Variants in NBAS observed in about 807,000 individuals in gnomAD.
NBAS encodes NAG/BC035112 fusion.
Under a neutral mutation model 302.5 loss-of-function variants are expected in NBAS, and 219 were observed. The observed-to-expected ratio is 0.72, with a 90% CI of 0.65 to 0.81. The LOEUF (loss-of-function observed/expected upper bound fraction) is 0.81. Among genes scored for constraint, NBAS ranks in the 30% least tolerant of loss-of-function variants. The pLI, the probability that NBAS is intolerant of heterozygous loss-of-function variation, is 0.00. For synonymous variants in NBAS, 1,118 were observed against 1,021.6 expected, an observed-to-expected ratio of 1.09 and a Z score of -1.80; for missense variants, 2,932 against 2,841.6, an observed-to-expected ratio of 1.03 and a Z score of -0.72.
chr2:14,822,681 G>C, the NBAS span, among the ~76,000 whole-genome samples: 2 of 152,148 alleles, frequency 1.3e-5, no homozygotes, highest in African/African-American at 4.8e-5. Flanking sequence ...ATCACACGGT[G>C]TAACCTCCCA....
At chr2:14,877,578 AATC>A in the NBAS span, among the ~76,000 whole-genome samples, 1 of 152,214 alleles carries the variant, frequency 6.6e-6, no homozygotes, top group Non-Finnish European at 1.5e-5. Context: ...CACCAGCCTT[AATC>A]AGGAAGGAGT....
At chr2:14,797,659 G>T in the NBAS span, among the ~76,000 whole-genome samples, 3 of 108,926 alleles carry the variant, frequency 2.8e-5, no homozygotes, top group African/African-American at 1.1e-4. Flanking sequence ...ACTGTGGCCC[G>T]GCCTCTTTGC....
At chr2:14,954,425 C>T in the NBAS span, among the ~76,000 whole-genome samples, 1 of 152,190 alleles carries the variant, frequency 6.6e-6, no homozygotes, top group Admixed American at 6.5e-5. Context: ...AGGCAGGACA[C>T]ATGCTGACCA....
rs529315580 is a variant in NBAS at position 15,244,085 on chromosome 2, C to CGT, written c.5725-5401_5725-5400dup. ...GCCCCCTTTAAGTGGAGAGAGAGAA[C>CGT]GTACAGGGGTGATACATCAAAGATA... On this transcript the variant is annotated intron_variant, in intron 44 of 51. Transcript: ENST00000281513. 1.9e-3 allele frequency among the ~76,000 whole-genome samples: 289 copies of CGT among 152,154 alleles called. 2 individuals carry two copies. The highest frequency in any genetic ancestry group is 6.5e-3 in the African/African-American group (270 of 41,504).
At chr2:15,314,121 A>C (rs2148178258) in intron 38 of NBAS, among the ~76,000 whole-genome samples, 2 of 152,324 alleles carry the variant, frequency 1.3e-5, no homozygotes, top group Middle Eastern at 6.8e-3. Context: ...TGGGAGGCCG[A>C]GGCAGGTGGA....
chr2:15,312,348 C>T (rs1265603024), intron 38 of NBAS, among the ~76,000 whole-genome samples: 1 of 152,100 alleles, frequency 6.6e-6, no homozygotes, highest in African/African-American at 2.4e-5. Context: ...AGTCTTGGCT[C>T]ACTGTAGCCT....
At chr2:15,432,667 T>C (rs1409723242) in intron 21 of NBAS, among the ~76,000 whole-genome samples, 1 of 152,210 alleles carries the variant, frequency 6.6e-6, no homozygotes, top group Non-Finnish European at 1.5e-5. Flanking sequence ...TGTGGAGTTA[T>C]ATTTATTTCT....
At chr2:14,838,610 T>C in the NBAS span, among the ~76,000 whole-genome samples, 2 of 152,174 alleles carry the variant, frequency 1.3e-5, no homozygotes, top group African/African-American at 2.4e-5. Context: ...TGTTGATGTA[T>C]GCTGTGATTT....
chr2:15,301,338 T>A (rs868364547), intron 40 of NBAS, among the ~76,000 whole-genome samples: 5 of 152,302 alleles, frequency 3.3e-5, no homozygotes, highest in Middle Eastern at 3.4e-3. Context: ...AGAAATGAGG[T>A]TGCTCAAAGG....
the NBAS span, among the ~76,000 whole-genome samples, chr2:15,099,141 A>G: frequency 3.9e-5 from 6 of 152,176 alleles, no homozygotes; most frequent in South Asian, 6.2e-4. Context: ...CATCTCTACT[A>G]AAAATACAAA....
chr2:15,237,772 T>A (rs1399814291), intron 45 of NBAS, among the ~76,000 whole-genome samples: 1 of 101,838 alleles, frequency 9.8e-6, no homozygotes, highest in African/African-American at 3.7e-5. Context: ...AATGTTTGTA[T>A]TTTTTTTTTT....
the NBAS span, among the ~76,000 whole-genome samples, chr2:14,814,924 C>A: frequency 4.3e-4 from 65 of 152,134 alleles, no homozygotes; most frequent in Non-Finnish European, 7.9e-4. Flanking sequence ...CACCATCCCC[C>A]TAGTGCTGTC....
At position 15,277,156 on chromosome 2, in the gene NBAS, A is replaced by AT. The variant is rs3214432; in HGVS notation, c.5139-56dup. On this transcript the variant is annotated intron_variant, in intron 42 of 51. Coordinates refer to ENST00000281513, the MANE Select transcript of NBAS (RefSeq NM_015909.4). ...AAGATTTTGTTCCTTTATTAAAGTGATTTTTTTTTTAACCAAGGAAGAAAC... is the reference window on the plus strand; with the variant it reads ...AAGATTTTGTTCCTTTATTAAAGTGATTTTTTTTTTTAACCAAGGAAGAAAC... The AT allele has an allele frequency of 2.0e-4, 319 of 1,559,682 alleles. 1 individual carries two copies. Among genetic ancestry groups the AT allele is most frequent in the Middle Eastern group, 3.4e-4 (2 of 5,858 alleles).
At chr2:14,783,116 C>T in the NBAS span, among the ~76,000 whole-genome samples, 1 of 151,752 alleles carries the variant, frequency 6.6e-6, no homozygotes, top group Non-Finnish European at 1.5e-5. Context: ...AAATAAAAGT[C>T]AAAAAATAAA....
At chr2:15,031,117 A>G in the NBAS span, among the ~76,000 whole-genome samples, 1 of 152,262 alleles carries the variant, frequency 6.6e-6, no homozygotes, top group African/African-American at 2.4e-5. Flanking sequence ...TATAGTTCCT[A>G]TAGCAATATG....
chr2:14,805,110 G>A, the NBAS span, among the ~76,000 whole-genome samples: 1 of 152,176 alleles, frequency 6.6e-6, no homozygotes, highest in Non-Finnish European at 1.5e-5. Context: ...ATCCGCCACA[G>A]GATCAGAAGC....
At chr2:15,044,321 C>T in the NBAS span, among the ~76,000 whole-genome samples, 24 of 152,280 alleles carry the variant, frequency 1.6e-4, no homozygotes, top group East Asian at 1.2e-3. Context: ...AAAGAATCAG[C>T]GACAGCTGAC....
chr2:15,336,567 C>T (rs951860252), intron 35 of NBAS, among the ~76,000 whole-genome samples: 1 of 152,062 alleles, frequency 6.6e-6, no homozygotes, highest in Non-Finnish European at 1.5e-5. Context: ...CCCGTCTCTA[C>T]TAAAAACACA....
At chr2:15,024,312 C>T in the NBAS span, among the ~76,000 whole-genome samples, 1 of 151,450 alleles carries the variant, frequency 6.6e-6, no homozygotes, top group South Asian at 2.1e-4. Context: ...TGATCTTGTT[C>T]TTTTTTATGG....
Sources: gnomAD v4.1 joint callset for allele counts (sites outside exome capture counted in the v4.1 genomes callset) on GRCh38, gnomAD v4.1.1 for gene constraint, MANE v1.5 for transcripts, NCBI Gene and HGNC (gene_info 2026-07-23, HGNC 2026-07-21) for gene names.